CSMD1: variants seen among roughly 807,000 people sequenced by gnomAD.
The protein encoded by CSMD1 is CUB and Sushi multiple domains 1.
A neutral mutation model predicts 417.5 loss-of-function variants in CSMD1; 213 were observed. The observed-to-expected ratio is 0.51, with a 90% CI of 0.46 to 0.57. The LOEUF (loss-of-function observed/expected upper bound fraction) is 0.57. Among genes scored for constraint, CSMD1 ranks in the 20% least tolerant of loss-of-function variants. The pLI, the probability that CSMD1 is intolerant of heterozygous loss-of-function variation, is 0.00. For missense variants in CSMD1, 6,923 were observed against 4,529.7 expected (o/e 1.53, Z -15.17); for synonymous variants, 2,862 against 1,736.8 (o/e 1.65, Z -16.11).
intron 5 of CSMD1, among the ~76,000 whole-genome samples, chr8:3,937,609 C>A (rs758974766): frequency 6.6e-6 from 1 of 152,134 alleles, no homozygotes; most frequent in Non-Finnish European, 1.5e-5. Context: ...GGGGAACCCA[C>A]AATATCATGT....
intron 2 of CSMD1, among the ~76,000 whole-genome samples, chr8:4,617,656 G>C (rs1801547202): frequency 6.6e-6 from 1 of 152,088 alleles, no homozygotes; most frequent in Non-Finnish European, 1.5e-5. Context: ...TGTGGCTGAA[G>C]TCTCATTGTT....
rs549891462 is a variant in CSMD1 at position 2,962,180 on chromosome 8, C to T, written c.9628+286G>A. Among the ~76,000 whole-genome samples the T allele has an allele frequency of 1.0e-3, 153 of 152,246 alleles. 1 individual carries two copies. The highest frequency in any genetic ancestry group is 3.6e-3 in the African/African-American group (149 of 41,536). ...ACCTGCACCTTTCCCCTAAACAATG[C>T]AATTGGCAGTTAAGGTAGACAGCGG... On this transcript the variant is annotated intron_variant, in intron 61 of 69. Coordinates refer to ENST00000635120, the MANE Select transcript of CSMD1 (RefSeq NM_033225.6).
At chr8:4,507,084 C>A (rs1338980590) in intron 2 of CSMD1, among the ~76,000 whole-genome samples, 1 of 152,026 alleles carries the variant, frequency 6.6e-6, no homozygotes, top group South Asian at 2.1e-4. Flanking sequence ...TTATTGATTA[C>A]CTTGATTCCT....
intron 5 of CSMD1, among the ~76,000 whole-genome samples, chr8:3,880,734 A>C (rs1288996092): frequency 6.6e-6 from 1 of 152,222 alleles, no homozygotes; most frequent in Non-Finnish European, 1.5e-5. Flanking sequence ...AAATATATTA[A>C]AATTATATTA....
intron 29 of CSMD1, among the ~76,000 whole-genome samples, chr8:3,217,575 G>C (rs908278082): frequency 6.6e-6 from 1 of 152,146 alleles, no homozygotes; most frequent in African/African-American, 2.4e-5. Flanking sequence ...TACTGTCATG[G>C]TAAAATGCAT....
At chr8:3,183,687 G>T (rs746972550) in intron 36 of CSMD1, among the ~76,000 whole-genome samples, 112 of 152,214 alleles carry the variant, frequency 7.4e-4, no homozygotes, top group Non-Finnish European at 1.3e-3. Flanking sequence ...CTGAAACATC[G>T]AGTAGGTCTC....
chr8:3,100,194 G>A (rs1183860325), intron 46 of CSMD1, among the ~76,000 whole-genome samples: 3 of 152,050 alleles, frequency 2.0e-5, no homozygotes, highest in African/African-American at 7.2e-5. Context: ...TGGGACTACA[G>A]GCGCACACCA....
chr8:4,295,107 T>G (rs1262058200), intron 3 of CSMD1, among the ~76,000 whole-genome samples: 1 of 146,896 alleles, frequency 6.8e-6, no homozygotes, highest in Non-Finnish European at 1.5e-5. Context: ...CATATAATCT[T>G]AAGATTACAC....
intron 1 of CSMD1, among the ~76,000 whole-genome samples, chr8:4,852,220 C>T (rs1366741807): frequency 3.3e-5 from 5 of 152,264 alleles, no homozygotes; most frequent in African/African-American, 1.2e-4. Flanking sequence ...ATATTTGTTG[C>T]CTCCAAATCT....
intron 1 of CSMD1, among the ~76,000 whole-genome samples, chr8:4,970,391 T>G (rs35380265): frequency 6.6e-6 from 1 of 152,006 alleles, no homozygotes; most frequent in Admixed American, 6.6e-5. Context: ...GCTAATGTTA[T>G]CATTATTTTT....
chr8:4,312,185 T>G (rs1798621765), intron 3 of CSMD1, among the ~76,000 whole-genome samples: 1 of 151,842 alleles, frequency 6.6e-6, no homozygotes, highest in South Asian at 2.1e-4. Flanking sequence ...GAAGACACAA[T>G]GAACATACAC....
intron 3 of CSMD1, among the ~76,000 whole-genome samples, chr8:4,227,858 G>A (rs1388159587): frequency 1.4e-5 from 2 of 147,590 alleles, no homozygotes; most frequent in African/African-American, 2.5e-5. Flanking sequence ...CACACCAGGA[G>A]ACACAGCCTC....
In CSMD1 at chr8:4,690,673, G is replaced by A. The variant is rs754369840; in HGVS notation, c.86-53115C>T. 1.7e-4 allele frequency among the ~76,000 whole-genome samples: 26 copies of A among 152,124 alleles called. 1 individual carries two copies. The highest frequency in any genetic ancestry group is 6.2e-4 in the South Asian group (3 of 4,830). ...TGAAATAATCTCAGCATTTCAGCAG[G>A]ATTTTATGAATTGAATCATTATACT... On this transcript the variant is annotated intron_variant, in intron 1 of 69. Coordinates refer to ENST00000635120, the MANE Select transcript of CSMD1 (RefSeq NM_033225.6).
intron 2 of CSMD1, among the ~76,000 whole-genome samples, chr8:4,568,006 G>A (rs1409180863): frequency 6.6e-6 from 1 of 152,154 alleles, no homozygotes; most frequent in Non-Finnish European, 1.5e-5. Flanking sequence ...TTTTCACAGG[G>A]CTGGATCAGA....
intron 11 of CSMD1, among the ~76,000 whole-genome samples, chr8:3,476,496 C>A (rs1227083274): frequency 6.6e-6 from 1 of 152,152 alleles, no homozygotes; most frequent in African/African-American, 2.4e-5. Flanking sequence ...TATTTACTAT[C>A]ATATGAAACT....
chr8:3,597,042 C>T (rs1176500708), intron 8 of CSMD1, among the ~76,000 whole-genome samples: 1 of 152,148 alleles, frequency 6.6e-6, no homozygotes, highest in South Asian at 2.1e-4. Context: ...GAGCCAGGAG[C>T]CCTGCAAGAT....
chr8:3,971,354 T>C (rs1233975074), intron 5 of CSMD1, among the ~76,000 whole-genome samples: 1 of 152,172 alleles, frequency 6.6e-6, no homozygotes, highest in Non-Finnish European at 1.5e-5. Context: ...TCTCTTTCTG[T>C]AATGTTCTGA....
At chr8:3,467,692 A>G (rs1020243673) in intron 12 of CSMD1, among the ~76,000 whole-genome samples, 1 of 152,150 alleles carries the variant, frequency 6.6e-6, no homozygotes, top group Non-Finnish European at 1.5e-5. Flanking sequence ...GTGACCCTTT[A>G]TCCCACACAG....
At chr8:4,263,630 C>G (rs953597249) in intron 3 of CSMD1, among the ~76,000 whole-genome samples, 1 of 152,076 alleles carries the variant, frequency 6.6e-6, no homozygotes, top group South Asian at 2.1e-4. Context: ...AAATAGGAAA[C>G]CATATCATCT....
Sources: gnomAD v4.1 joint callset for allele counts (sites outside exome capture counted in the v4.1 genomes callset) on GRCh38, gnomAD v4.1.1 for gene constraint, MANE v1.5 for transcripts, NCBI Gene and HGNC (gene_info 2026-07-23, HGNC 2026-07-21) for gene names.